Variants in RELN observed in about 807,000 individuals in gnomAD.
RELN encodes reelin.
In RELN, 108 loss-of-function variants were observed where a neutral mutation model predicts 427.6. That is an observed-to-expected ratio of 0.25 (90% confidence interval 0.22 to 0.30). The LOEUF (loss-of-function observed/expected upper bound fraction) is 0.30, where lower values mean the gene tolerates loss of function less well. Ranked by LOEUF, RELN falls within the 10% of genes least tolerant of loss-of-function variation. RELN has a pLI of 1.00. For missense variants in RELN, 3,715 were observed against 4,302.8 expected, an observed-to-expected ratio of 0.86 and a Z score of 3.82; for synonymous variants, 1,524 against 1,513.4, an observed-to-expected ratio of 1.01 and a Z score of -0.16.
intron 24 of RELN, among the ~76,000 whole-genome samples, 154 bp from the exon 25 acceptor site, chr7:103,596,815 G>T: frequency 6.6e-6 from 1 of 152,152 alleles, no homozygotes; most frequent in East Asian, 1.9e-4. Context: ...CCATTTAGTT[G>T]TTTCTGATCC....
rs1562852978 is a variant in RELN, at chr7:103,497,858, C to T, written c.8912G>A (p.Arg2971Gln). The change falls in exon 55 of 65, where the codon CGG (arginine) becomes CAG (glutamine). Residue 2971 changes from arginine to glutamine, a missense_variant. By Grantham distance (43) the Arg-to-Gln change is conservative (BLOSUM62 1). Transcript: ENST00000428762. ...GTAGTCCAACAGCACGCCTTCCTTC[C>T]GGCAGATGGGACGATGGCAAGAGGT... is the stretch of plus-strand genomic sequence containing the variant. ...NMTSCHRPIC[R>Q]KEGVLLDYST... 7 of 1,614,070 alleles carry T rather than the reference C, an allele frequency of 4.3e-6. No individual in the cohort carries two copies. Among genetic ancestry groups the T allele is most frequent in the Non-Finnish European group, 5.9e-6 (7 of 1,180,010 alleles).
intron 28 of RELN, among the ~76,000 whole-genome samples, chr7:103,586,396 C>T (rs545909132): frequency 6.6e-6 from 1 of 151,850 alleles, no homozygotes; most frequent in Non-Finnish European, 1.5e-5. Flanking sequence ...AAATAAAAGC[C>T]ATATATGACA....
intron 1 of RELN, among the ~76,000 whole-genome samples, chr7:103,921,291 T>C (rs1795612312): frequency 6.6e-6 from 1 of 152,202 alleles, no homozygotes; most frequent in African/African-American, 2.4e-5. Context: ...CATAAAATCA[T>C]TAAATAATAA....
chr7:103,753,220 T>C lies in RELN; in HGVS notation c.545-6A>G. The stretch of plus-strand genomic sequence containing the variant: ...CACAGTGACATCTGTTGGAGCTGAA[T>C]CAAGAGAGGAAAGAAGAAAGACAAC... On this transcript the variant is annotated splice_region_variant and splice_polypyrimidine_tract_variant and intron_variant, in intron 4 of 64. Coordinates refer to ENST00000428762, the MANE Select transcript of RELN (RefSeq NM_005045.4). 1.2e-6 allele frequency: 2 copies of C among 1,613,956 alleles called. No homozygotes were observed. Among genetic ancestry groups the C allele is most frequent in the Non-Finnish European group, 1.7e-6 (2 of 1,179,940 alleles).
chr7:103,674,107 T>G (rs979695641), intron 11 of RELN, among the ~76,000 whole-genome samples: 1 of 152,242 alleles, frequency 6.6e-6, no homozygotes, highest in Non-Finnish European at 1.5e-5. Context: ...TTTTCTGTAA[T>G]GAAGTAACAT....
chr7:103,841,151 A>AGTTT (rs1793541843), intron 2 of RELN, among the ~76,000 whole-genome samples: 1 of 152,202 alleles, frequency 6.6e-6, no homozygotes, highest in African/African-American at 2.4e-5. Context: ...CAAACTCCAA[A>AGTTT]GTTCTATAAA....
At chr7:103,608,039 CAGGGA>C (rs1831858838) in intron 22 of RELN, among the ~76,000 whole-genome samples, 1 of 152,190 alleles carries the variant, frequency 6.6e-6, no homozygotes, top group African/African-American at 2.4e-5. Flanking sequence ...TGTGATAATG[CAGGGA>C]CCACATTTGC....
At chr7:103,522,764 C>G (rs772361557) in intron 47 of RELN, among the ~76,000 whole-genome samples, 2 of 151,010 alleles carry the variant, frequency 1.3e-5, no homozygotes, top group Non-Finnish European at 2.9e-5. Context: ...CAAAAAAAGA[C>G]TTCCCAGGTG....
intron 1 of RELN, among the ~76,000 whole-genome samples, chr7:103,920,867 C>A (rs1795603237): frequency 6.6e-6 from 1 of 152,128 alleles, no homozygotes; most frequent in Non-Finnish European, 1.5e-5. Flanking sequence ...AGCCACCATA[C>A]CCACCTGTTG....
chr7:103,564,386 T>C (rs751655060), intron 34 of RELN, among the ~76,000 whole-genome samples: 37 of 152,200 alleles, frequency 2.4e-4, no homozygotes, highest in Admixed American at 1.1e-3. Context: ...GTAGAAGCAG[T>C]GAGGAAACCG....
At chr7:103,776,763 G>A in intron 3 of RELN, 136 bp from the exon 4 acceptor site, 1 of 881,428 alleles carries the variant, frequency 1.1e-6, no homozygotes, top group Non-Finnish European at 1.8e-6. Flanking sequence ...CATCAGAAGA[G>A]TGATATAAAT....
intron 1 of RELN, among the ~76,000 whole-genome samples, chr7:103,926,316 G>A (rs542642262): frequency 6.6e-6 from 1 of 151,922 alleles, no homozygotes; most frequent in African/African-American, 2.4e-5. Context: ...GGATGGTCTC[G>A]ATCTCTTGAC....
intron 3 of RELN, among the ~76,000 whole-genome samples, chr7:103,822,382 A>G (rs1793036328): frequency 6.6e-6 from 1 of 152,124 alleles, no homozygotes; most frequent in Admixed American, 6.6e-5. Flanking sequence ...ATTAGCAAAG[A>G]AAAACTAACT....
chr7:103,814,108 T>C (rs937629782), intron 3 of RELN, among the ~76,000 whole-genome samples: 1 of 152,210 alleles, frequency 6.6e-6, no homozygotes, highest in African/African-American at 2.4e-5. Flanking sequence ...GCTGCAATCC[T>C]GCACTTATTA....
At chr7:103,890,139 G>A (rs940994750) in intron 2 of RELN, among the ~76,000 whole-genome samples, 3 of 151,392 alleles carry the variant, frequency 2.0e-5, no homozygotes, top group African/African-American at 7.3e-5. Context: ...TGTCTTACAG[G>A]TCTTCACCAT....
chr7:103,502,742 A>G (rs1829076677), intron 52 of RELN, among the ~76,000 whole-genome samples: 1 of 152,296 alleles, frequency 6.6e-6, no homozygotes, highest in South Asian at 2.1e-4. Flanking sequence ...CAAGGCCATC[A>G]CTATTGCTCT....
intron 11 of RELN, among the ~76,000 whole-genome samples, chr7:103,671,071 G>C (rs902065030): frequency 1.3e-5 from 2 of 152,038 alleles, no homozygotes; most frequent in Non-Finnish European, 2.9e-5. Flanking sequence ...TGGGATGGAT[G>C]CTCTGCTCTT....
chr7:103,983,068 G>A (rs1416009353), intron 1 of RELN, among the ~76,000 whole-genome samples: 2 of 152,178 alleles, frequency 1.3e-5, no homozygotes, highest in Non-Finnish European at 2.9e-5. Context: ...TGAAAACTCA[G>A]AACGCTTGTA....
chr7:103,858,948 G>C lies in RELN; in HGVS notation c.338-25276C>G, dbSNP rs548254802. On this transcript the variant is annotated intron_variant, in intron 2 of 64. Coordinates refer to ENST00000428762, the MANE Select transcript of RELN (RefSeq NM_005045.4). The stretch of plus-strand genomic sequence containing the variant: ...TTAATGAAGATGCAAACACAGGCTT[G>C]CCTAGAGAACAGAGAAAGAAGAAGA... Among the ~76,000 whole-genome samples the C allele has an allele frequency of 1.6e-3, 241 of 152,228 alleles. 2 individuals are homozygous for C. The highest frequency in any genetic ancestry group is 5.5e-3 in the African/African-American group (229 of 41,540).
Sources: gnomAD v4.1 joint callset for allele counts (sites outside exome capture counted in the v4.1 genomes callset) on GRCh38, gnomAD v4.1.1 for gene constraint, MANE v1.5 for transcripts, NCBI Gene and HGNC (gene_info 2026-07-23, HGNC 2026-07-21) for gene names.